Variants in CALB1 observed in about 807,000 individuals in gnomAD.
CALB1 encodes the protein calbindin 1, also known as calbindin.
CALB1 carries 16 observed loss-of-function variants against 46.7 expected under a neutral mutation model. The ratio of observed to expected loss-of-function variants is 0.34; its 90% CI spans 0.23 to 0.52. The LOEUF (loss-of-function observed/expected upper bound fraction) is 0.52. Ranked by LOEUF, CALB1 falls within the 20% of genes least tolerant of loss-of-function variation. The pLI is 0.95. For missense variants in CALB1, 224 were observed against 300.3 expected (o/e 0.75, Z 1.88); for synonymous variants, 90 against 112.8 (o/e 0.80, Z 1.28).
At chr8:90,062,800 T>C (rs1814327197) in intron 9 of CALB1, 1 of 248,656 alleles carries the variant, frequency 4.0e-6, no homozygotes. Flanking sequence ...GAACTGCATA[T>C]GATCAATCAA....
At chr8:90,062,357 A>T (rs1481590327) in intron 9 of CALB1, 2 of 152,048 alleles carry the variant, frequency 1.3e-5, no homozygotes, top group Non-Finnish European at 2.9e-5. Flanking sequence ...ACATCAAACT[A>T]AAAAGCTGCA....
chr8:90,081,987 T>C (rs1814740942), intron 2 of CALB1, 39 bp downstream of exon 2: 1 of 1,552,356 alleles, frequency 6.4e-7, no homozygotes, highest in African/African-American at 1.4e-5. Context: ...AATTTGGGGG[T>C]TAAAAGTCTT....
chr8:90,077,297 C>T (rs111365137), intron 3 of CALB1, among the ~76,000 whole-genome samples: 23 of 151,970 alleles, frequency 1.5e-4, no homozygotes, highest in African/African-American at 5.3e-4. Flanking sequence ...ATAGTATGTC[C>T]TCTCTTAACT....
chr8:90,063,689 T>G (rs940725599), intron 6 of CALB1: 3 of 473,100 alleles, frequency 6.3e-6, no homozygotes, highest in Non-Finnish European at 1.1e-5. Context: ...GAAATAGTGG[T>G]TTTAGCTATG....
At position 90,060,147 on chromosome 8, in the gene CALB1, C is replaced by T; in HGVS notation, c.*26G>A. ...GTTATTTTTTAGATACAGTGTATCACTAGCAAGTGGTTGCGGCCACCAACT... is the reference window on the plus strand; with the variant it reads ...GTTATTTTTTAGATACAGTGTATCATTAGCAAGTGGTTGCGGCCACCAACT... On this transcript the variant is annotated 3_prime_UTR_variant, in exon 11 of 11. Coordinates refer to ENST00000265431, the MANE Select transcript of CALB1 (RefSeq NM_004929.4). The T allele has an allele frequency of 1.5e-6, 2 of 1,303,312 alleles. No individual in the cohort carries two copies. Among genetic ancestry groups the T allele is most frequent in the Non-Finnish European group, 1.1e-6 (1 of 896,582 alleles). The allele number at this position is 1,303,312 out of a possible 1,614,324, so 80.7% of individuals were successfully genotyped here.
At chr8:90,081,263 A>T (rs1814727277) in intron 2 of CALB1, among the ~76,000 whole-genome samples, 2 of 152,196 alleles carry the variant, frequency 1.3e-5, no homozygotes, top group South Asian at 2.1e-4. Flanking sequence ...TGCCCATCAG[A>T]GTATCACTTT....
intron 2 of CALB1, among the ~76,000 whole-genome samples, chr8:90,080,365 A>C (rs1319810454): frequency 6.6e-6 from 1 of 152,000 alleles, no homozygotes; most frequent in Non-Finnish European, 1.5e-5. Context: ...CTGAAAATAG[A>C]TTTCAATATT....
intron 3 of CALB1, among the ~76,000 whole-genome samples, chr8:90,076,545 G>A (rs534653435): frequency 5.1e-4 from 77 of 152,036 alleles, no homozygotes; most frequent in African/African-American, 1.8e-3. Context: ...ATACAAATGT[G>A]AATTATTTTA....
At chr8:90,079,421 C>T (rs1475089653) in intron 2 of CALB1, among the ~76,000 whole-genome samples, 1 of 151,872 alleles carries the variant, frequency 6.6e-6, no homozygotes, top group Non-Finnish European at 1.5e-5. Flanking sequence ...ATAAAACTTA[C>T]TATGGATAAA....
intron 9 of CALB1, chr8:90,061,795 A>G (rs1377687520): frequency 6.6e-6 from 1 of 152,120 alleles, no homozygotes; most frequent in East Asian, 1.9e-4. Context: ...AAACACATCT[A>G]CAGATTCAGT....
chr8:90,060,613 A>C lies in CALB1; in HGVS notation c.672+16T>G, dbSNP rs1209037976. On this transcript the variant is annotated intron_variant, in intron 10 of 10. Coordinates refer to ENST00000265431, the MANE Select transcript of CALB1 (RefSeq NM_004929.4). ...GAGTCTGCTTAAAGAAGTAAGTGCCATGGTAACTAAGTTACCTGTTTATTC... is the reference window on the plus strand; with the variant it reads ...GAGTCTGCTTAAAGAAGTAAGTGCCCTGGTAACTAAGTTACCTGTTTATTC... 1 of 1,595,746 alleles carries C rather than the reference A, an allele frequency of 6.3e-7. No homozygotes were observed. The highest frequency in any genetic ancestry group is 1.3e-5 in the African/African-American group (1 of 74,602).
rs1814332294 is a variant in CALB1, at chr8:90,063,079, GA to G, written c.600+20del. ...GTTCTTACTTCAATAAAAAAGAAAG[GA>G]AAAAGTAACAAACTTTTACCTGATC... On this transcript the variant is annotated intron_variant, in intron 9 of 10. Coordinates refer to ENST00000265431, the MANE Select transcript of CALB1 (RefSeq NM_004929.4). 9 of 1,576,426 alleles carry G rather than the reference GA, an allele frequency of 5.7e-6. No homozygotes were observed. In the Middle Eastern group the frequency reaches 1.4e-3, roughly 242 times the overall value.
chr8:90,066,237 A>G (rs1814394327), intron 5 of CALB1, among the ~76,000 whole-genome samples: 1 of 151,986 alleles, frequency 6.6e-6, no homozygotes. Context: ...GTGCATTACC[A>G]TGACTTTATG....
chr8:90,059,826 G>A lies in CALB1; in HGVS notation c.*347C>T, dbSNP rs1369900337. 1.9e-5 allele frequency: 4 copies of A among 209,106 alleles called. No homozygotes were observed. Among genetic ancestry groups the A allele is most frequent in the African/African-American group, 9.2e-5 (4 of 43,424 alleles). 13.0% of individuals were successfully genotyped at this position (209,106 alleles called of 1,614,324 possible). A position where few individuals can be genotyped will look rare whatever the true frequency, so the allele number is the denominator to read the frequency against. On this transcript the variant is annotated 3_prime_UTR_variant, in exon 11 of 11. Transcript: ENST00000265431. ...ATAATTCCATTATTCAGTGACAAAT[G>A]TGCATTTGCAAATCAGAGACTAGAA... is the stretch of plus-strand genomic sequence containing the variant.
rs1288250307 is a variant in CALB1, at chr8:90,059,200, A to T, written c.*973T>A. The T allele has an allele frequency of 6.5e-6, 1 of 152,672 alleles. No individual in the cohort carries two copies. The highest frequency in any genetic ancestry group is 2.4e-5 in the African/African-American group (1 of 41,470). 9.5% of individuals were successfully genotyped at this position (152,672 alleles called of 1,614,324 possible). The stretch of plus-strand genomic sequence containing the variant: ...CAGAATACACAAAAGTATTGATGAT[A>T]TAACATTCAATAATCAGGATGCTAT... On this transcript the variant is annotated 3_prime_UTR_variant, in exon 11 of 11. Transcript: ENST00000265431.
Position 90,068,846 on chromosome 8 carries a change from G to A in CALB1, c.372+152C>T, listed in dbSNP as rs1038630818. 12 of 560,304 alleles carry A rather than the reference G, an allele frequency of 2.1e-5. No individual in the cohort carries two copies. The African/African-American group carries it at 2.3e-4, about 11-fold the overall frequency. 34.7% of individuals were successfully genotyped at this position (560,304 alleles called of 1,614,324 possible). On this transcript the variant is annotated intron_variant, in intron 5 of 10. Transcript: ENST00000265431. ...GCAATTGAAGATGCTTTTTTGATCT[G>A]GTACTTCATTAACAATGTCGAAGAG...
At chr8:90,070,517 G>A (rs1814492693) in intron 3 of CALB1, among the ~76,000 whole-genome samples, 1 of 151,938 alleles carries the variant, frequency 6.6e-6, no homozygotes, top group Admixed American at 6.6e-5. Flanking sequence ...TTATATGCAA[G>A]GAATCTAATT....
At chr8:90,065,845 C>G in intron 6 of CALB1, 53 bp downstream of exon 6, 1 of 1,170,290 alleles carries the variant, frequency 8.5e-7, no homozygotes, top group Non-Finnish European at 1.3e-6. Context: ...TTAGCAAGAA[C>G]ATCATACTAC....
In CALB1 at chr8:90,082,042, C is replaced by A; in HGVS notation, c.140G>T (p.Arg47Leu). Residue 47 changes from arginine (R) to leucine (L), a missense_variant, in exon 2 of 11, where the codon CGA becomes CTA. Transcript: ENST00000265431. ...QNLIQELQQA[R>L]KKAGLELSPE... is the part of the protein sequence containing the mutation. Reference sequence around the variant, plus strand: ...TGAACCTACCAATCCAGCCTTCTTTCGCGCCTGCTGGAGCTCCTGGATCAA... The same window carrying A: ...TGAACCTACCAATCCAGCCTTCTTTAGCGCCTGCTGGAGCTCCTGGATCAA... The A allele has an allele frequency of 4.3e-6, 7 of 1,613,670 alleles. No homozygotes were observed. Among genetic ancestry groups the A allele is most frequent in the Non-Finnish European group, 5.9e-6 (7 of 1,179,768 alleles).
Sources: gnomAD v4.1 joint callset for allele counts (sites outside exome capture counted in the v4.1 genomes callset) on GRCh38, gnomAD v4.1.1 for gene constraint, MANE v1.5 for transcripts, NCBI Gene and HGNC (gene_info 2026-07-23, HGNC 2026-07-21) for gene names.